The following RALYL variants were observed in gnomAD, a reference collection of about 807,000 sequenced individuals.
RALYL encodes the protein RALY RNA binding protein like, also known as RNA-binding Raly-like protein.
A neutral mutation model predicts 35.1 loss-of-function variants in RALYL; 29 were observed. The ratio of observed to expected loss-of-function variants is 0.83; its 90% CI spans 0.61 to 1.13. The LOEUF is 1.13. RALYL is among the 50% of genes most tolerant of loss of function. RALYL has a pLI of 0.00. For missense variants in RALYL, 359 were observed against 360.4 expected (o/e 1.00, Z 0.03); for synonymous variants, 120 against 127.6 (o/e 0.94, Z 0.40).
intron 2 of RALYL, among the ~76,000 whole-genome samples, chr8:84,588,333 A>G (rs1054066999): frequency 6.6e-6 from 1 of 152,116 alleles, no homozygotes; most frequent in African/African-American, 2.4e-5. Context: ...GTGTTTCTGC[A>G]TTTTCAGATT....
At chr8:84,804,141 AAC>A (rs995828520) in intron 3 of RALYL, among the ~76,000 whole-genome samples, 1 of 152,256 alleles carries the variant, frequency 6.6e-6, no homozygotes, top group Non-Finnish European at 1.5e-5. Context: ...AGAAAAATAA[AAC>A]ACAGAATATG....
chr8:84,914,776 G>A (rs1305832434), intron 8 of RALYL, among the ~76,000 whole-genome samples: 1 of 151,912 alleles, frequency 6.6e-6, no homozygotes, highest in Non-Finnish European at 1.5e-5. Context: ...AATTTAGACA[G>A]AACTACTACA....
chr8:84,886,882 G>A (rs1395100425), intron 7 of RALYL, among the ~76,000 whole-genome samples: 1 of 152,110 alleles, frequency 6.6e-6, no homozygotes, highest in Admixed American at 6.6e-5. Flanking sequence ...GGAAATAGTT[G>A]TCCTTATTGC....
At chr8:84,357,421 A>G (rs1359956747) in intron 1 of RALYL, among the ~76,000 whole-genome samples, 1 of 152,006 alleles carries the variant, frequency 6.6e-6, no homozygotes. Flanking sequence ...ACTCTGTAAT[A>G]ATTTCTCATT....
intron 1 of RALYL, among the ~76,000 whole-genome samples, chr8:84,394,415 C>T (rs536774674): frequency 9.9e-5 from 15 of 152,088 alleles, no homozygotes; most frequent in African/African-American, 3.1e-4. Context: ...AAACACTTTG[C>T]GTACTTCCAT....
intron 1 of RALYL, among the ~76,000 whole-genome samples, chr8:84,497,642 G>A (rs149783453): frequency 8.5e-6 from 1 of 117,242 alleles, no homozygotes; most frequent in South Asian, 2.8e-4. Context: ...TTTTGTTTTT[G>A]TTTTTTTTTT....
At chr8:84,651,845 T>C (rs1448622611) in intron 2 of RALYL, among the ~76,000 whole-genome samples, 3 of 152,016 alleles carry the variant, frequency 2.0e-5, no homozygotes, top group Non-Finnish European at 4.4e-5. Flanking sequence ...ATTCTGTAGA[T>C]AAAGCCTGTG....
chr8:84,794,296 G>A (rs764685078), intron 3 of RALYL, among the ~76,000 whole-genome samples: 7 of 152,100 alleles, frequency 4.6e-5, no homozygotes, highest in Non-Finnish European at 5.9e-5. Context: ...AAATGGCATC[G>A]GCATTCTGCA....
chr8:84,564,703 T>C (rs2061669324), intron 2 of RALYL, among the ~76,000 whole-genome samples: 1 of 151,640 alleles, frequency 6.6e-6, no homozygotes, highest in African/African-American at 2.4e-5. Flanking sequence ...AAAATTATTG[T>C]CTGAACACCA....
intron 2 of RALYL, among the ~76,000 whole-genome samples, chr8:84,598,264 G>C (rs1815067102): frequency 6.6e-6 from 1 of 152,094 alleles, no homozygotes; most frequent in Non-Finnish European, 1.5e-5. Context: ...GAACTCCTGA[G>C]CTGAAGCAAT....
chr8:84,281,015 C>T (rs1313590288), intron 1 of RALYL, among the ~76,000 whole-genome samples: 1 of 152,078 alleles, frequency 6.6e-6, no homozygotes, highest in African/African-American at 2.4e-5. Context: ...GCATTATCAC[C>T]AGGATAGATG....
intron 1 of RALYL, among the ~76,000 whole-genome samples, chr8:84,396,535 C>G (rs1861792423): frequency 6.6e-6 from 1 of 151,958 alleles, no homozygotes; most frequent in African/African-American, 2.4e-5. Context: ...ATATAATCAC[C>G]TGTGGACTAG....
chr8:84,874,105 C>G (rs1172487169), intron 7 of RALYL, among the ~76,000 whole-genome samples: 1 of 152,108 alleles, frequency 6.6e-6, no homozygotes, highest in Non-Finnish European at 1.5e-5. Flanking sequence ...TTAGACGCCT[C>G]AGAAGCCTCC....
intron 3 of RALYL, among the ~76,000 whole-genome samples, chr8:84,787,397 C>T (rs1819790657): frequency 6.6e-6 from 1 of 152,142 alleles, no homozygotes; most frequent in African/African-American, 2.4e-5. Context: ...TTATCTTTGT[C>T]CAGTATTACT....
intron 2 of RALYL, among the ~76,000 whole-genome samples, chr8:84,729,944 C>T (rs2132816082): frequency 6.6e-6 from 1 of 152,210 alleles, no homozygotes; most frequent in East Asian, 1.9e-4. Context: ...CAGCTGAATT[C>T]TACCAGAGGT....
In RALYL at chr8:84,876,379, T is replaced by C. The variant is rs570997887; in HGVS notation, c.685+2982T>C. Among the ~76,000 whole-genome samples the C allele has an allele frequency of 5.9e-5, 9 of 152,360 alleles. No homozygotes were observed. The East Asian group carries it at 1.5e-3, about 26-fold the overall frequency. On this transcript the variant is annotated intron_variant, in intron 7 of 8. Transcript: ENST00000521268. Reference sequence around the variant, plus strand: ...ACATCACACAACTTCTTTGGGGATATAGTGACTATGTAGATTATAGAAAAC... The same window carrying C: ...ACATCACACAACTTCTTTGGGGATACAGTGACTATGTAGATTATAGAAAAC...
chr8:84,200,150 AGT>A (rs1380136198), intron 1 of RALYL, among the ~76,000 whole-genome samples: 1 of 152,188 alleles, frequency 6.6e-6, no homozygotes, highest in Admixed American at 6.5e-5. Context: ...TAACAGTATT[AGT>A]GTAGCATGAG....
intron 1 of RALYL, among the ~76,000 whole-genome samples, chr8:84,261,623 A>G (rs1242343402): frequency 6.6e-6 from 1 of 152,124 alleles, no homozygotes; most frequent in African/African-American, 2.4e-5. Flanking sequence ...TGATATAAAT[A>G]TTTAACAAAT....
chr8:84,260,036 G>A (rs1446692114), intron 1 of RALYL, among the ~76,000 whole-genome samples: 1 of 152,046 alleles, frequency 6.6e-6, no homozygotes, highest in East Asian at 1.9e-4. Flanking sequence ...TTTTATTATG[G>A]TCTATCTGGG....
Sources: gnomAD v4.1 joint callset for allele counts (sites outside exome capture counted in the v4.1 genomes callset) on GRCh38, gnomAD v4.1.1 for gene constraint, MANE v1.5 for transcripts, NCBI Gene and HGNC (gene_info 2026-07-23, HGNC 2026-07-21) for gene names.